The following FMNL2 variants were observed in gnomAD, a reference collection of about 807,000 sequenced individuals.
FMNL2 encodes the protein formin-like protein 2.
A neutral mutation model predicts 130.2 loss-of-function variants in FMNL2; 51 were observed. That is an observed-to-expected ratio of 0.39 (90% confidence interval 0.31 to 0.49). FMNL2 has a LOEUF of 0.49. Ranked by LOEUF, FMNL2 falls within the 20% of genes least tolerant of loss-of-function variation. The probability of loss-of-function intolerance (pLI) is 0.85; values close to 1 mark genes in which losing one functional copy is unlikely to be tolerated. For missense variants in FMNL2, 977 were observed against 1,316.2 expected, an observed-to-expected ratio of 0.74 and a Z score of 3.99; for synonymous variants, 465 against 467.1, an observed-to-expected ratio of 1.00 and a Z score of 0.06.
chr2:152,490,713 G>A (rs1236213065), intron 1 of FMNL2, among the ~76,000 whole-genome samples: 1 of 146,916 alleles, frequency 6.8e-6, no homozygotes, highest in East Asian at 2.0e-4. Context: ...AAACTCTACA[G>A]GAAACAGTTT....
chr2:152,445,952 G>T lies in FMNL2; in HGVS notation c.118-75991G>T, dbSNP rs1230571960. On this transcript the variant is annotated intron_variant, in intron 1 of 25. Transcript: ENST00000288670. ...AAAACATTACAGCTCATCTTTAAGG[G>T]TGATTCATGATACTTTCTAAACAGC... Among the ~76,000 whole-genome samples the T allele has an allele frequency of 7.9e-5, 12 of 152,224 alleles. No individual in the cohort carries two copies. The East Asian group carries it at 1.7e-3, about 22-fold the overall frequency.
intron 12 of FMNL2, 26 bp downstream of exon 12, chr2:152,615,026 A>G (rs1364570034): frequency 6.2e-7 from 1 of 1,603,424 alleles, no homozygotes; most frequent in Non-Finnish European, 8.5e-7. Context: ...AAAAGGAAAA[A>G]TTGCTTACAT....
intron 23 of FMNL2, among the ~76,000 whole-genome samples, chr2:152,639,679 AG>A (rs1348350276): frequency 1.3e-5 from 2 of 152,168 alleles, no homozygotes; most frequent in Non-Finnish European, 2.9e-5. Flanking sequence ...GGTGCCCACC[AG>A]TGTGTGGGAC....
chr2:152,561,012 C>T lies in FMNL2; in HGVS notation c.573C>T (p.Arg191=). The T allele has an allele frequency of 3.7e-6, 6 of 1,601,432 alleles. No individual in the cohort carries two copies. The highest frequency in any genetic ancestry group is 4.3e-6 in the Non-Finnish European group (5 of 1,173,796). The change falls in exon 6 of 26, where the codon CGC becomes CGT. Residue 191 remains arginine, a synonymous_variant. Coordinates refer to ENST00000288670, the MANE Select transcript of FMNL2 (RefSeq NM_052905.4). ...LPSPVGNSVS[R]SGRHSALRYN... ...CACCTGTGGGCAACAGTGTCTCCCGCTCTGGAAGACATTCTGCACTGCGGT... is the reference window on the plus strand; with the variant it reads ...CACCTGTGGGCAACAGTGTCTCCCGTTCTGGAAGACATTCTGCACTGCGGT...
intron 1 of FMNL2, among the ~76,000 whole-genome samples, chr2:152,419,407 A>C (rs1314087957): frequency 1.3e-5 from 2 of 152,124 alleles, no homozygotes; most frequent in African/African-American, 2.4e-5. Flanking sequence ...CATTTGCGAC[A>C]ACATGAGTGG....
At chr2:152,521,151 C>T (rs12693393) in intron 1 of FMNL2, among the ~76,000 whole-genome samples, 149,876 of 152,296 alleles carry the variant, frequency 0.98, 73,786 homozygotes, top group Non-Finnish European at 1. Flanking sequence ...TTGCCAAAGA[C>T]CTCACTTTGC....
At chr2:152,423,136 TA>T (rs1292830155) in intron 1 of FMNL2, among the ~76,000 whole-genome samples, 3 of 152,218 alleles carry the variant, frequency 2.0e-5, no homozygotes, top group Non-Finnish European at 4.4e-5. Context: ...TCACATAATG[TA>T]AAATGGGATA....
chr2:152,518,368 T>G (rs558860321), intron 1 of FMNL2, among the ~76,000 whole-genome samples: 1 of 152,340 alleles, frequency 6.6e-6, no homozygotes, highest in African/African-American at 2.4e-5. Context: ...AGCTTTAGTT[T>G]GGATGTATTG....
intron 8 of FMNL2, among the ~76,000 whole-genome samples, chr2:152,579,657 C>T (rs1467230820): frequency 6.6e-6 from 1 of 152,152 alleles, no homozygotes; most frequent in African/African-American, 2.4e-5. Context: ...GAGATCGCAC[C>T]GCTGCACTCC....
intron 15 of FMNL2, among the ~76,000 whole-genome samples, chr2:152,623,174 C>T (rs72871148): frequency 0.13 from 20,314 of 152,150 alleles, 1,606 homozygotes; most frequent in Middle Eastern, 0.24. Flanking sequence ...ATGAGCCTAC[C>T]ATGTCTGTGG....
At chr2:152,458,091 G>C (rs1327100745) in intron 1 of FMNL2, among the ~76,000 whole-genome samples, 1 of 152,162 alleles carries the variant, frequency 6.6e-6, no homozygotes, top group African/African-American at 2.4e-5. Flanking sequence ...CATATTCATA[G>C]GTTCTGGGGA....
At chr2:152,617,847 C>A (rs1699037231) in intron 13 of FMNL2, among the ~76,000 whole-genome samples, 1 of 152,206 alleles carries the variant, frequency 6.6e-6, no homozygotes, top group Non-Finnish European at 1.5e-5. Flanking sequence ...CTTGCCTTTA[C>A]ACCACTGCTA....
intron 1 of FMNL2, among the ~76,000 whole-genome samples, chr2:152,476,204 A>G (rs943060067): frequency 2.0e-5 from 3 of 152,262 alleles, no homozygotes; most frequent in Non-Finnish European, 4.4e-5. Context: ...ATCAAAATGC[A>G]CCAAGATTGC....
At position 152,364,260 on chromosome 2, in the gene FMNL2, T is replaced by G. The variant is rs1410489975; in HGVS notation, c.117+28540T>G. 2.6e-3 allele frequency among the ~76,000 whole-genome samples: 47 copies of G among 17,928 alleles called. 1 individual carries two copies. The highest frequency in any genetic ancestry group is 5.4e-3 in the African/African-American group (46 of 8,492). 11.8% of individuals were successfully genotyped at this position (17,928 alleles called of 152,430 possible). A position where few individuals can be genotyped will look rare whatever the true frequency, so the allele number is the denominator to read the frequency against. ...TTTCACATCCGTTAGGAGGTTTGTG[T>G]GTTTTTTTTTTTTTTTTTTTTTTTT... On this transcript the variant is annotated intron_variant, in intron 1 of 25. Coordinates refer to ENST00000288670, the MANE Select transcript of FMNL2 (RefSeq NM_052905.4).
chr2:152,645,928 T>C (rs1683513681), intron 25 of FMNL2, among the ~76,000 whole-genome samples: 2 of 152,178 alleles, frequency 1.3e-5, no homozygotes, highest in South Asian at 2.1e-4. Flanking sequence ...CAAAGCTGCA[T>C]ATGAGGCAAA....
intron 2 of FMNL2, among the ~76,000 whole-genome samples, chr2:152,533,572 A>G (rs879325727): frequency 9.6e-5 from 11 of 114,748 alleles, no homozygotes; most frequent in Admixed American, 8.7e-4. Flanking sequence ...TTTTTTGCTA[A>G]ATTATTTTGG....
chr2:152,443,050 A>G (rs1688135787), intron 1 of FMNL2, among the ~76,000 whole-genome samples: 1 of 152,232 alleles, frequency 6.6e-6, no homozygotes, highest in Non-Finnish European at 1.5e-5. Context: ...TGAAAAATGT[A>G]TCACTATTTC....
chr2:152,439,073 G>T (rs1489766427), intron 1 of FMNL2, among the ~76,000 whole-genome samples: 2 of 119,512 alleles, frequency 1.7e-5, no homozygotes, highest in African/African-American at 6.5e-5. Context: ...AAGGAATTCA[G>T]TTTAATTGTG....
chr2:152,528,768 A>G (rs1488303710), intron 2 of FMNL2, among the ~76,000 whole-genome samples: 1 of 152,144 alleles, frequency 6.6e-6, no homozygotes, highest in Admixed American at 6.5e-5. Flanking sequence ...TTCACATAGT[A>G]AGGTTTTAAT....
Sources: allele counts gnomAD v4.1 joint callset (sites outside exome capture counted in the v4.1 genomes callset), GRCh38; gene constraint gnomAD v4.1.1; transcripts MANE v1.5; gene names NCBI Gene and HGNC (gene_info 2026-07-23, HGNC 2026-07-21).